DOCK3: variants seen among roughly 807,000 people sequenced by gnomAD.
The protein encoded by DOCK3 is dedicator of cytokinesis 3.
Under a neutral mutation model 265.6 loss-of-function variants are expected in DOCK3, and 60 were observed. That is an observed-to-expected ratio of 0.23 (90% confidence interval 0.18 to 0.28). The LOEUF (loss-of-function observed/expected upper bound fraction) is 0.28, where lower values mean the gene tolerates loss of function less well. Ranked by LOEUF, DOCK3 falls within the 10% of genes least tolerant of loss-of-function variation. The probability of loss-of-function intolerance (pLI) is 1.00; values close to 1 mark genes in which losing one functional copy is unlikely to be tolerated. For synonymous variants in DOCK3, 881 were observed against 938.0 expected (o/e 0.94, Z 1.11); for missense variants, 1,981 against 2,594.3 (o/e 0.76, Z 5.14).
intron 2 of DOCK3, among the ~76,000 whole-genome samples, chr3:50,809,816 T>A (rs2043634766): frequency 6.6e-6 from 1 of 152,180 alleles, no homozygotes; most frequent in African/African-American, 2.4e-5. Flanking sequence ...TGATTTTGTG[T>A]ACAAAAAGGA....
chr3:51,237,700 AT>A, intron 21 of DOCK3, 110 bp downstream of exon 21: 1 of 929,854 alleles, frequency 1.1e-6, no homozygotes, highest in Non-Finnish European at 1.6e-6. Context: ...CTTTTTAAAA[AT>A]TTTATATTTT....
intron 49 of DOCK3, among the ~76,000 whole-genome samples, chr3:51,367,359 C>T (rs2087275557): frequency 6.6e-6 from 1 of 152,070 alleles, no homozygotes; most frequent in South Asian, 2.1e-4. Context: ...CTTCCTCCAT[C>T]CCTTTCTTTT....
At chr3:51,259,387 CTG>C (rs1242884310) in intron 22 of DOCK3, among the ~76,000 whole-genome samples, 1 of 152,178 alleles carries the variant, frequency 6.6e-6, no homozygotes, top group African/African-American at 2.4e-5. Context: ...TCTGGGAAAT[CTG>C]TGGCATTTTT....
rs766713829 is a variant in DOCK3, at chr3:51,271,851, GA to G, written c.2548+863del. Among the ~76,000 whole-genome samples, 637 of 65,570 alleles carry G rather than the reference GA, an allele frequency of 9.7e-3. 2 individuals are homozygous for G. Among genetic ancestry groups the G allele is most frequent in the African/African-American group, 0.027 (418 of 15,568 alleles). The allele number at this position is 65,570 out of a possible 152,430, so 43.0% of individuals were successfully genotyped here. A position where few individuals can be genotyped will look rare whatever the true frequency, so the allele number is the denominator to read the frequency against. ...GAGCAACAGAGCGAGACTGTCTCAG[GA>G]AAAAAAAAAAAAAAAAAAGGCCCTG... On this transcript the variant is annotated intron_variant, in intron 24 of 52. Coordinates refer to ENST00000266037, the MANE Select transcript of DOCK3 (RefSeq NM_004947.5).
At chr3:50,687,859 G>T (rs1481864803) in intron 1 of DOCK3, among the ~76,000 whole-genome samples, 2 of 152,124 alleles carry the variant, frequency 1.3e-5, no homozygotes, top group Admixed American at 1.3e-4. Context: ...GGTGCTAGTT[G>T]GCAACAAAGG....
At chr3:50,999,873 C>G (rs534282237) in intron 5 of DOCK3, among the ~76,000 whole-genome samples, 27 of 152,176 alleles carry the variant, frequency 1.8e-4, no homozygotes, top group African/African-American at 6.5e-4. Flanking sequence ...TTGGGTTCAT[C>G]TATAATTTTA....
At chr3:50,684,839 T>A (rs935145114) in intron 1 of DOCK3, among the ~76,000 whole-genome samples, 3 of 152,220 alleles carry the variant, frequency 2.0e-5, no homozygotes, top group Non-Finnish European at 4.4e-5. Flanking sequence ...TATTGTGAAT[T>A]CAGTATCTTG....
chr3:51,201,709 C>A (rs373303128), intron 12 of DOCK3, among the ~76,000 whole-genome samples: 1 of 152,186 alleles, frequency 6.6e-6, no homozygotes, highest in Admixed American at 6.5e-5. Flanking sequence ...CCCAAATCAA[C>A]AGAATATACA....
chr3:50,950,902 T>C (rs758364663), intron 5 of DOCK3, among the ~76,000 whole-genome samples: 1 of 152,176 alleles, frequency 6.6e-6, no homozygotes, highest in Non-Finnish European at 1.5e-5. Context: ...CATTTGTTGA[T>C]ACATTTTATC....
chr3:50,689,476 G>A (rs888893876), intron 1 of DOCK3, among the ~76,000 whole-genome samples: 5 of 152,176 alleles, frequency 3.3e-5, no homozygotes, highest in African/African-American at 1.2e-4. Context: ...ATGAGATCTT[G>A]TGAGAACTCA....
chr3:50,885,886 G>C (rs1353929251), intron 3 of DOCK3, among the ~76,000 whole-genome samples: 1 of 151,988 alleles, frequency 6.6e-6, no homozygotes, highest in Non-Finnish European at 1.5e-5. Flanking sequence ...TTTTTGGTGT[G>C]GGGGGCAGAG....
At chr3:51,298,244 C>G (rs2082204390) in intron 27 of DOCK3, among the ~76,000 whole-genome samples, 1 of 152,104 alleles carries the variant, frequency 6.6e-6, no homozygotes, top group South Asian at 2.1e-4. Flanking sequence ...TGCATTTGTT[C>G]ATACTAGAAC....
At chr3:50,813,045 T>C (rs1463877665) in intron 2 of DOCK3, among the ~76,000 whole-genome samples, 1 of 152,186 alleles carries the variant, frequency 6.6e-6, no homozygotes, top group Non-Finnish European at 1.5e-5. Context: ...GAAAAAAATA[T>C]ACAAAAGCCA....
At chr3:50,839,918 G>A (rs1436538782) in intron 2 of DOCK3, among the ~76,000 whole-genome samples, 23 of 150,870 alleles carry the variant, frequency 1.5e-4, no homozygotes, top group Admixed American at 5.3e-4. Flanking sequence ...ACAGGTGTGC[G>A]CCACCATGCC....
chr3:50,886,141 G>A lies in DOCK3; in HGVS notation c.163-3885G>A, dbSNP rs1237071895. Among the ~76,000 whole-genome samples the A allele has an allele frequency of 2.7e-5, 4 of 148,434 alleles. No individual in the cohort carries two copies. The South Asian group carries it at 8.6e-4, about 32-fold the overall frequency. On this transcript the variant is annotated intron_variant, in intron 3 of 52. Coordinates refer to ENST00000266037, the MANE Select transcript of DOCK3 (RefSeq NM_004947.5). ...TTTGTGTCTCCCACATTCCCTAGTT[G>A]GTCTGCCTTCTTCTTTCCGCCTTTC...
Position 51,375,843 on chromosome 3 carries a change from T to C in DOCK3, c.5500+8T>C, listed in dbSNP as rs369054248. On this transcript the variant is annotated splice_region_variant and intron_variant, in intron 51 of 52. Transcript: ENST00000266037. ...TGTCTGTGGCTGAAAAAGGTATTGT[T>C]GCCCAGGTGGCCTTCCCCCCATGTC... 1.5e-5 allele frequency: 25 copies of C among 1,613,966 alleles called. No individual in the cohort carries two copies. The African/African-American group carries it at 2.5e-4, about 16-fold the overall frequency.
At chr3:51,011,007 T>G (rs2078928193) in intron 5 of DOCK3, among the ~76,000 whole-genome samples, 1 of 152,208 alleles carries the variant, frequency 6.6e-6, no homozygotes, top group Admixed American at 6.5e-5. Context: ...TCTGACGGGC[T>G]TCCCTTTGTG....
At chr3:50,729,522 A>G (rs915346926) in intron 1 of DOCK3, among the ~76,000 whole-genome samples, 7 of 151,836 alleles carry the variant, frequency 4.6e-5, no homozygotes, top group African/African-American at 1.7e-4. Context: ...TATATCTCCC[A>G]ATGCTATCCC....
chr3:51,337,176 A>C (rs1201363222), intron 35 of DOCK3, among the ~76,000 whole-genome samples: 1 of 152,242 alleles, frequency 6.6e-6, no homozygotes, highest in Non-Finnish European at 1.5e-5. Context: ...TCTCAAACCT[A>C]TCAACTCTGA....
Sources: gnomAD v4.1 joint callset for allele counts (sites outside exome capture counted in the v4.1 genomes callset) on GRCh38, gnomAD v4.1.1 for gene constraint, MANE v1.5 for transcripts, NCBI Gene and HGNC (gene_info 2026-07-23, HGNC 2026-07-21) for gene names.